The following MYO18B variants were observed in gnomAD, a reference collection of about 807,000 sequenced individuals.
The protein encoded by MYO18B is myosin XVIIIB.
In MYO18B, 204 loss-of-function variants were observed where a neutral mutation model predicts 273.0. The ratio of observed to expected loss-of-function variants is 0.75; its 90% confidence interval spans 0.67 to 0.84. The LOEUF (loss-of-function observed/expected upper bound fraction) is 0.84. MYO18B is among the 40% of genes least tolerant of loss of function. MYO18B has a pLI of 0.00. For synonymous variants in MYO18B, 1,330 were observed against 1,305.7 expected, an observed-to-expected ratio of 1.02 and a Z score of -0.40; for missense variants, 3,212 against 3,287.6, an observed-to-expected ratio of 0.98 and a Z score of 0.56.
rs776500915 is a variant in MYO18B at position 25,890,884 on chromosome 22, T to G, written c.4434+9T>G. The G allele has an allele frequency of 2.5e-6, 4 of 1,612,916 alleles. No homozygotes were observed. The South Asian group carries it at 3.3e-5, about 13-fold the overall frequency. ...AGGTCCAGGAGCTCAAGGTGAGTGG[T>G]CAGGGGTGGCCAGGGGTGGCTGAAC... On this transcript the variant is annotated intron_variant, in intron 26 of 43. Coordinates refer to ENST00000335473, the MANE Select transcript of MYO18B (RefSeq NM_032608.7).
intron 34 of MYO18B, among the ~76,000 whole-genome samples, chr22:25,942,822 A>G (rs909769240): frequency 6.6e-5 from 10 of 152,072 alleles, no homozygotes; most frequent in African/African-American, 2.4e-4. Context: ...AGTATGAGCT[A>G]AGAAGGCCAG....
At chr22:25,816,598 G>A (rs935842442) in intron 12 of MYO18B, among the ~76,000 whole-genome samples, 1 of 150,968 alleles carries the variant, frequency 6.6e-6, no homozygotes, top group African/African-American at 2.4e-5. Context: ...GTGGTGTTTG[G>A]TTTTCTGTCC....
chr22:25,881,457 C>G (rs2091331956), intron 25 of MYO18B, among the ~76,000 whole-genome samples: 1 of 152,250 alleles, frequency 6.6e-6, no homozygotes. Context: ...CTGGCAGCAA[C>G]AATGAGTAGA....
At chr22:25,931,449 T>C (rs2092499416) in intron 34 of MYO18B, among the ~76,000 whole-genome samples, 1 of 152,226 alleles carries the variant, frequency 6.6e-6, no homozygotes, top group African/African-American at 2.4e-5. Context: ...ACTGTGCTAG[T>C]CATGGTGCCA....
At chr22:25,855,702 G>T (rs1178621043) in intron 21 of MYO18B, among the ~76,000 whole-genome samples, 2 of 152,126 alleles carry the variant, frequency 1.3e-5, no homozygotes, top group African/African-American at 2.4e-5. Flanking sequence ...AAATGGTGCT[G>T]CAGTGAGCAT....
At chr22:25,749,912 C>G (rs1035373892) in intron 1 of MYO18B, among the ~76,000 whole-genome samples, 2 of 152,184 alleles carry the variant, frequency 1.3e-5, no homozygotes, top group Admixed American at 1.3e-4. Flanking sequence ...AGATCCAACT[C>G]TCTGCCTGGT....
intron 34 of MYO18B, among the ~76,000 whole-genome samples, chr22:25,927,127 C>T (rs2092432604): frequency 6.6e-6 from 1 of 151,014 alleles, no homozygotes; most frequent in African/African-American, 2.4e-5. Context: ...AGCATGTGTG[C>T]TTGAGCAATA....
chr22:25,841,101 T>G (rs1184732768), intron 17 of MYO18B, among the ~76,000 whole-genome samples: 2 of 152,082 alleles, frequency 1.3e-5, no homozygotes, highest in African/African-American at 4.8e-5. Context: ...ATTTGCTGAG[T>G]GTTCCCACAA....
intron 22 of MYO18B, 54 bp downstream of exon 22, chr22:25,868,439 A>C (rs1008734453): frequency 2.8e-6 from 4 of 1,428,350 alleles, no homozygotes; most frequent in Non-Finnish European, 3.9e-6. Flanking sequence ...GGACCCAGAG[A>C]TGACCTGATT....
chr22:25,966,452 A>G (rs1002620738), intron 39 of MYO18B, among the ~76,000 whole-genome samples: 7 of 152,180 alleles, frequency 4.6e-5, no homozygotes, highest in African/African-American at 1.7e-4. Flanking sequence ...TCTGGCTGGG[A>G]ACTGAAGTAT....
rs2086957384 is a variant in MYO18B at position 25,777,452 on chromosome 22, TCAGGGATCTGGAGG to T, written c.1870-127_1870-114del. ...TCCTCCTAGTCGAGTAGGAAGGGAG[TCAGGGATCTGGAGG>T]CAGATCTGGAGGCAGGGACACAGAT... On this transcript the variant is annotated intron_variant, in intron 7 of 43. Transcript: ENST00000335473. 4 of 853,460 alleles carry T rather than the reference TCAGGGATCTGGAGG, an allele frequency of 4.7e-6. No homozygotes were observed. In the East Asian group the frequency reaches 1.2e-4, roughly 26 times the overall value. 52.9% of individuals were successfully genotyped at this position (853,460 alleles called of 1,614,324 possible).
chr22:25,783,120 G>C (rs1369329139), intron 10 of MYO18B, among the ~76,000 whole-genome samples: 1 of 152,212 alleles, frequency 6.6e-6, no homozygotes, highest in Non-Finnish European at 1.5e-5. Context: ...CATAGCAAAT[G>C]CTTTGTGTGT....
At chr22:25,770,780 A>T in intron 5 of MYO18B, 92 bp from the exon 6 acceptor site, 1 of 892,034 alleles carries the variant, frequency 1.1e-6, no homozygotes, top group Non-Finnish European at 1.8e-6. Context: ...GGCCCGGCTT[A>T]GAGCCTCTCT....
At chr22:25,773,070 G>A (rs2145613212) in intron 7 of MYO18B, among the ~76,000 whole-genome samples, 1 of 152,298 alleles carries the variant, frequency 6.6e-6, no homozygotes, top group East Asian at 1.9e-4. Flanking sequence ...CCTCGGAAGT[G>A]TAGAAACGGC....
At chr22:26,051,142 A>G in the MYO18B span, among the ~76,000 whole-genome samples, 3 of 150,972 alleles carry the variant, frequency 2.0e-5, no homozygotes, top group Non-Finnish European at 4.4e-5. Flanking sequence ...TTGAGTACCT[A>G]TTATCTACAA....
At chr22:25,997,024 A>T (rs192117589) in intron 40 of MYO18B, among the ~76,000 whole-genome samples, 64 of 152,206 alleles carry the variant, frequency 4.2e-4, no homozygotes, top group African/African-American at 1.3e-3. Flanking sequence ...TTCAGTGTGA[A>T]GTGAAAGTGT....
At chr22:25,914,266 G>T (rs2092218176) in intron 33 of MYO18B, among the ~76,000 whole-genome samples, 1 of 151,752 alleles carries the variant, frequency 6.6e-6, no homozygotes, top group African/African-American at 2.4e-5. Flanking sequence ...TTCTTATTTA[G>T]GTTCTACAAC....
At chr22:26,012,150 A>G (rs1036388155) in intron 42 of MYO18B, among the ~76,000 whole-genome samples, 1 of 152,226 alleles carries the variant, frequency 6.6e-6, no homozygotes, top group African/African-American at 2.4e-5. Flanking sequence ...AAGAAGGGCA[A>G]TTACTCTACT....
rs778607737 is a variant in MYO18B, at chr22:25,947,832, G to T, written c.5748+4G>T. 2 of 1,610,074 alleles carry T rather than the reference G, an allele frequency of 1.2e-6. No homozygotes were observed. The highest frequency in any genetic ancestry group is 1.7e-6 in the Non-Finnish European group (2 of 1,176,516). ...GCACAAGGACCTCATTGCTCAGGTA[G>T]TGAATGAGACCTTGGTGGAAGAAGC... On this transcript the variant is annotated splice_donor_region_variant and intron_variant, in intron 36 of 43. Coordinates refer to ENST00000335473, the MANE Select transcript of MYO18B (RefSeq NM_032608.7).
Sources: allele counts gnomAD v4.1 joint callset (sites outside exome capture counted in the v4.1 genomes callset), GRCh38; gene constraint gnomAD v4.1.1; transcripts MANE v1.5; gene names NCBI Gene and HGNC (gene_info 2026-07-23, HGNC 2026-07-21).